The following UNC79 variants were observed in gnomAD, a reference collection of about 807,000 sequenced individuals.
UNC79 encodes protein unc-79 homolog.
In UNC79, 37 loss-of-function variants were observed where a neutral mutation model predicts 283.1. The ratio of observed to expected loss-of-function variants is 0.13; its 90% CI spans 0.10 to 0.17. The LOEUF (loss-of-function observed/expected upper bound fraction) is 0.17. UNC79 is among the 10% of genes least tolerant of loss of function. The pLI is 1.00. For synonymous variants in UNC79, 1,107 were observed against 1,200.2 expected (o/e 0.92, Z 1.61); for missense variants, 2,272 against 3,211.1 (o/e 0.71, Z 7.07).
chr14:93,366,747 A>G (rs2054343105), intron 1 of UNC79, among the ~76,000 whole-genome samples: 1 of 151,604 alleles, frequency 6.6e-6, no homozygotes, highest in South Asian at 2.1e-4. Flanking sequence ...AAATTTGTGT[A>G]TTTTTATTAG....
At chr14:93,536,396 C>T (rs1299528359) in intron 11 of UNC79, among the ~76,000 whole-genome samples, 1 of 152,162 alleles carries the variant, frequency 6.6e-6, no homozygotes, top group Admixed American at 6.5e-5. Flanking sequence ...CTCTAGGCCC[C>T]ACCCTCTGGG....
chr14:93,370,585 A>C (rs1293766436), intron 1 of UNC79, among the ~76,000 whole-genome samples: 1 of 152,202 alleles, frequency 6.6e-6, no homozygotes, highest in African/African-American at 2.4e-5. Flanking sequence ...ATCCTGGCTG[A>C]CACGGTGAAA....
intron 35 of UNC79, among the ~76,000 whole-genome samples, chr14:93,648,870 G>A (rs1013988012): frequency 6.6e-6 from 1 of 152,210 alleles, no homozygotes; most frequent in Non-Finnish European, 1.5e-5. Flanking sequence ...TTACCAGATT[G>A]TGTATGACTT....
intron 20 of UNC79, among the ~76,000 whole-genome samples, chr14:93,584,532 A>G (rs1003559635): frequency 7.9e-5 from 12 of 152,224 alleles, no homozygotes; most frequent in African/African-American, 2.9e-4. Context: ...TCTGTCAGGC[A>G]TTCATGCCTA....
chr14:93,433,046 A>G (rs1042622224), intron 1 of UNC79, among the ~76,000 whole-genome samples: 5 of 152,146 alleles, frequency 3.3e-5, no homozygotes, highest in Non-Finnish European at 2.9e-5. Context: ...GATTTTTTTC[A>G]TCTGTAGAGG....
intron 8 of UNC79, among the ~76,000 whole-genome samples, chr14:93,526,667 A>G (rs1231928496): frequency 1.3e-5 from 2 of 152,236 alleles, no homozygotes; most frequent in Non-Finnish European, 2.9e-5. Flanking sequence ...CAACCTGTTC[A>G]GACTAGAACA....
rs147519876 is a variant in UNC79 at position 93,566,163 on chromosome 14, C to T, written c.1756-5731C>T. Among the ~76,000 whole-genome samples the T allele has an allele frequency of 4.7e-3, 712 of 152,246 alleles. 3 individuals carry two copies. The highest frequency in any genetic ancestry group is 0.016 in the African/African-American group (677 of 41,536). ...GGCCATCATGCTGGCTCACAAGCCT[C>T]CCGCTTGGGAGAGAAAAATGTTCCC... On this transcript the variant is annotated intron_variant, in intron 14 of 48. Coordinates refer to ENST00000555664, the Ensembl canonical transcript of UNC79.
Position 93,392,655 on chromosome 14 carries a change from T to C in UNC79, c.-351+59132T>C, listed in dbSNP as rs570555525. ...GCCAACAGGAGTTCTCAGATACATT[T>C]TCTACTTCATTTTCATCACATATCC... On this transcript the variant is annotated intron_variant, in intron 1 of 49. Coordinates refer to the UNC79 transcript ENST00000256339. 4.6e-5 allele frequency among the ~76,000 whole-genome samples: 7 copies of C among 152,332 alleles called. No individual in the cohort carries two copies. In the South Asian group the frequency reaches 1.4e-3, roughly 32 times the overall value.
At chr14:93,537,602 G>A (rs893657469) in intron 11 of UNC79, among the ~76,000 whole-genome samples, 6 of 152,184 alleles carry the variant, frequency 3.9e-5, no homozygotes, top group Non-Finnish European at 7.3e-5. Flanking sequence ...GATGTGCTGT[G>A]ATGTTGCACT....
intron 35 of UNC79, among the ~76,000 whole-genome samples, chr14:93,647,009 C>G (rs76389302): frequency 3.5e-4 from 53 of 152,326 alleles, no homozygotes; most frequent in African/African-American, 1.2e-3. Flanking sequence ...TAAGCCCACC[C>G]TGTGCTAGAC....
chr14:93,581,484 CTTTTTTTTTTT>C (rs569060513), intron 19 of UNC79, among the ~76,000 whole-genome samples: 2,223 of 100,648 alleles, frequency 0.022, 48 homozygotes, highest in South Asian at 0.11. Flanking sequence ...GTATTTGCAT[CTTTTTTTTTTT>C]TTTTTTTTTT....
intron 1 of UNC79, among the ~76,000 whole-genome samples, chr14:93,409,680 C>T (rs2055296818): frequency 6.6e-6 from 1 of 151,712 alleles, no homozygotes; most frequent in African/African-American, 2.4e-5. Context: ...AGAGCAAGAC[C>T]CTGTCTGTAA....
chr14:93,644,512 G>C (rs2069385459), intron 34 of UNC79, among the ~76,000 whole-genome samples: 1 of 152,172 alleles, frequency 6.6e-6, no homozygotes, highest in Non-Finnish European at 1.5e-5. Flanking sequence ...TGCTGTGACA[G>C]TTACTGTGGA....
intron 1 of UNC79, among the ~76,000 whole-genome samples, chr14:93,417,887 A>G (rs2055498871): frequency 6.6e-6 from 1 of 151,698 alleles, no homozygotes; most frequent in African/African-American, 2.4e-5. Context: ...TCCTTTAAGC[A>G]CTTGTCTGTA....
At position 93,682,724 on chromosome 14, in the gene UNC79, T is replaced by A. The variant is rs78514950; in HGVS notation, c.6819+30T>A. On this transcript the variant is annotated intron_variant, in intron 42 of 48. Coordinates refer to ENST00000555664, the Ensembl canonical transcript of UNC79. ...GTCCTGACCAAATTCATTGTCTACA[T>A]ACTTACATTTCATAGAATAGTAGTT... 8.1e-3 allele frequency: 12,892 copies of A among 1,599,168 alleles called. 264 individuals carry two copies. Among genetic ancestry groups the A allele is most frequent in the African/African-American group, 0.075 (5,566 of 74,692 alleles).
At chr14:93,495,319 T>C (rs1412846974) in intron 5 of UNC79, among the ~76,000 whole-genome samples, 2 of 152,216 alleles carry the variant, frequency 1.3e-5, no homozygotes, top group African/African-American at 2.4e-5. Flanking sequence ...CTTCTTCACA[T>C]GGTGGCAGCA....
chr14:93,447,225 T>C (rs2056487315), intron 1 of UNC79, among the ~76,000 whole-genome samples: 1 of 152,220 alleles, frequency 6.6e-6, no homozygotes, highest in Non-Finnish European at 1.5e-5. Context: ...ATCTGGCTTA[T>C]GTTTCCCATT....
rs185770067 is a variant in UNC79 at position 93,362,935 on chromosome 14, T to C, written c.-351+29412T>C. 1.5e-3 allele frequency among the ~76,000 whole-genome samples: 230 copies of C among 152,210 alleles called. 1 individual carries two copies. The highest frequency in any genetic ancestry group is 2.9e-3 in the Non-Finnish European group (195 of 68,000). On this transcript the variant is annotated intron_variant, in intron 1 of 49. Coordinates refer to the UNC79 transcript ENST00000256339. Reference sequence around the variant, plus strand: ...CATATTCTTTCAAAGAATAAACTTTTGGTTTTTATGGCTTTTTGTGTCTCA... The same window carrying C: ...CATATTCTTTCAAAGAATAAACTTTCGGTTTTTATGGCTTTTTGTGTCTCA...
chr14:93,623,701 T>G (rs548527132), intron 30 of UNC79, among the ~76,000 whole-genome samples: 2 of 152,290 alleles, frequency 1.3e-5, no homozygotes, highest in East Asian at 3.9e-4. Flanking sequence ...AAGACCATCC[T>G]GGCCAACATA....
Sources: gnomAD v4.1 joint callset for allele counts (sites outside exome capture counted in the v4.1 genomes callset) on GRCh38, gnomAD v4.1.1 for gene constraint, MANE v1.5 for transcripts, NCBI Gene and HGNC (gene_info 2026-07-23, HGNC 2026-07-21) for gene names.